The following KCNIP1 variants were observed in gnomAD, a reference collection of about 807,000 sequenced individuals.
KCNIP1 encodes the protein potassium voltage-gated channel interacting protein 1.
In KCNIP1, 18 loss-of-function variants were observed where a neutral mutation model predicts 33.0. The observed-to-expected ratio is 0.55, with a 90% CI of 0.38 to 0.81. KCNIP1 has a LOEUF of 0.81. Among genes scored for constraint, KCNIP1 ranks in the 30% least tolerant of loss-of-function variants. KCNIP1 has a pLI of 0.00. For missense variants in KCNIP1, 238 were observed against 271.6 expected (o/e 0.88, Z 0.87); for synonymous variants, 93 against 98.3 (o/e 0.95, Z 0.32).
At chr5:170,409,046 G>A (rs905215067) in intron 1 of KCNIP1, among the ~76,000 whole-genome samples, 1 of 152,168 alleles carries the variant, frequency 6.6e-6, no homozygotes, top group Non-Finnish European at 1.5e-5. Context: ...GGGGCAGTAC[G>A]GGGAGAGGCT....
chr5:170,587,645 C>CGGATTGGAGGGA (rs1758051712), intron 1 of KCNIP1, among the ~76,000 whole-genome samples: 1 of 152,158 alleles, frequency 6.6e-6, no homozygotes, highest in Non-Finnish European at 1.5e-5. Flanking sequence ...AAGCACATCC[C>CGGATTGGAGGGA]TCCAATCTCT....
chr5:170,391,192 C>A (rs1276016037), intron 1 of KCNIP1, among the ~76,000 whole-genome samples: 2 of 152,126 alleles, frequency 1.3e-5, no homozygotes, highest in African/African-American at 4.8e-5. Context: ...CCTCCTGGGG[C>A]TAATCCAGAA....
intron 1 of KCNIP1, among the ~76,000 whole-genome samples, chr5:170,581,378 G>A (rs565016561): frequency 6.6e-6 from 1 of 152,352 alleles, no homozygotes; most frequent in South Asian, 2.1e-4. Context: ...TGTCAAGAAT[G>A]AAGGACCTTT....
At chr5:170,451,503 C>T (rs946361802) in intron 1 of KCNIP1, among the ~76,000 whole-genome samples, 9 of 151,938 alleles carry the variant, frequency 5.9e-5, no homozygotes, top group Non-Finnish European at 1.0e-4. Context: ...AACCCAGCTC[C>T]GTTCAACTGC....
At chr5:170,732,110 AAAAAT>A (rs778112088) in intron 5 of KCNIP1, among the ~76,000 whole-genome samples, 14 of 152,190 alleles carry the variant, frequency 9.2e-5, no homozygotes, top group Non-Finnish European at 1.3e-4. Flanking sequence ...AAATTAAACA[AAAAAT>A]AAAATAAAAT....
At chr5:170,457,797 C>T (rs1216721384) in intron 1 of KCNIP1, among the ~76,000 whole-genome samples, 2 of 152,078 alleles carry the variant, frequency 1.3e-5, no homozygotes, top group South Asian at 2.1e-4. Context: ...CTTAATACCC[C>T]CCAAAAAATC....
At chr5:170,585,341 T>C (rs769947232) in intron 1 of KCNIP1, among the ~76,000 whole-genome samples, 8 of 151,948 alleles carry the variant, frequency 5.3e-5, no homozygotes. Flanking sequence ...CATCAGTGAG[T>C]TAGGGGATGA....
intron 1 of KCNIP1, among the ~76,000 whole-genome samples, chr5:170,641,672 T>G (rs1760566418): frequency 6.6e-6 from 1 of 152,200 alleles, no homozygotes; most frequent in African/African-American, 2.4e-5. Flanking sequence ...GGGTGGCGGC[T>G]TCCAGGTACC....
intron 1 of KCNIP1, among the ~76,000 whole-genome samples, chr5:170,461,983 A>G (rs912377119): frequency 3.3e-5 from 5 of 152,334 alleles, no homozygotes; most frequent in Middle Eastern, 3.4e-3. Context: ...TCAAGGGCTT[A>G]AATCTAAGAC....
At chr5:170,403,512 G>A (rs1754960717) in intron 1 of KCNIP1, among the ~76,000 whole-genome samples, 1 of 152,186 alleles carries the variant, frequency 6.6e-6, no homozygotes, top group African/African-American at 2.4e-5. Context: ...GTCCCCATCA[G>A]CCATGGAAAG....
At chr5:170,675,395 G>A (rs10475548) in intron 1 of KCNIP1, among the ~76,000 whole-genome samples, 16,165 of 152,090 alleles carry the variant, frequency 0.11, 1,703 homozygotes, top group African/African-American at 0.28. Flanking sequence ...CAAGGCAGGC[G>A]GATCACGAGG....
chr5:170,672,403 C>T (rs1287211774), intron 1 of KCNIP1, among the ~76,000 whole-genome samples: 2 of 152,258 alleles, frequency 1.3e-5, no homozygotes, highest in African/African-American at 4.8e-5. Context: ...ACTTCCTCCC[C>T]TGGAGAAACT....
chr5:170,610,146 C>T (rs1466671686), intron 1 of KCNIP1, among the ~76,000 whole-genome samples: 2 of 152,224 alleles, frequency 1.3e-5, no homozygotes, highest in African/African-American at 4.8e-5. Context: ...GATTGTCCCT[C>T]TCCACCCTCG....
chr5:170,619,838 T>A (rs1220617790), intron 1 of KCNIP1, among the ~76,000 whole-genome samples: 1 of 152,216 alleles, frequency 6.6e-6, no homozygotes, highest in African/African-American at 2.4e-5. Flanking sequence ...TTCCTGGCAC[T>A]GTTAACACTG....
intron 1 of KCNIP1, among the ~76,000 whole-genome samples, chr5:170,362,757 A>G (rs1763547156): frequency 6.6e-6 from 1 of 152,210 alleles, no homozygotes; most frequent in South Asian, 2.1e-4. Context: ...AGCTGGGGTT[A>G]GCCTAATTTT....
intron 1 of KCNIP1, among the ~76,000 whole-genome samples, chr5:170,598,161 G>A (rs1336234110): frequency 6.6e-6 from 1 of 152,132 alleles, no homozygotes; most frequent in Admixed American, 6.5e-5. Flanking sequence ...AATCTTCCCT[G>A]GCTGAGGAGC....
intron 1 of KCNIP1, among the ~76,000 whole-genome samples, chr5:170,597,723 C>T (rs974201551): frequency 3.6e-5 from 5 of 140,472 alleles, no homozygotes; most frequent in African/African-American, 1.0e-4. Context: ...AGGCTGGTTT[C>T]GGTTTCCCAA....
At chr5:170,617,030 A>G (rs1197005309) in intron 1 of KCNIP1, among the ~76,000 whole-genome samples, 1 of 151,452 alleles carries the variant, frequency 6.6e-6, no homozygotes, top group Non-Finnish European at 1.5e-5. Flanking sequence ...CAAGCAGCAC[A>G]CTCTTTCTGG....
intron 1 of KCNIP1, among the ~76,000 whole-genome samples, chr5:170,528,143 C>T (rs1325571320): frequency 6.6e-6 from 1 of 152,104 alleles, no homozygotes; most frequent in Non-Finnish European, 1.5e-5. Context: ...GGAGACCTGC[C>T]TCTCAGCAGC....
Sources: allele counts gnomAD v4.1 joint callset (sites outside exome capture counted in the v4.1 genomes callset), GRCh38; gene constraint gnomAD v4.1.1; transcripts MANE v1.5; gene names NCBI Gene and HGNC (gene_info 2026-07-23, HGNC 2026-07-21).